The following NOL4L variants were observed in gnomAD, a reference collection of about 807,000 sequenced individuals.
The protein encoded by NOL4L is nucleolar protein 4-like.
A neutral mutation model predicts 64.5 loss-of-function variants in NOL4L; 7 were observed. The observed-to-expected ratio is 0.11, with a 90% CI of 0.06 to 0.20. The LOEUF is 0.20. NOL4L is among the 10% of genes least tolerant of loss of function. The pLI, the probability that NOL4L is intolerant of heterozygous loss-of-function variation, is 1.00. For synonymous variants in NOL4L, 413 were observed against 401.0 expected, an observed-to-expected ratio of 1.03 and a Z score of -0.36; for missense variants, 680 against 967.1, an observed-to-expected ratio of 0.70 and a Z score of 3.94.
At chr20:32,497,986 G>A (rs1011244723) in intron 4 of NOL4L, among the ~76,000 whole-genome samples, 2 of 152,216 alleles carry the variant, frequency 1.3e-5, no homozygotes, top group Non-Finnish European at 1.5e-5. Flanking sequence ...AGTAAATTAC[G>A]AGTGCTTCCT....
chr20:32,516,509 G>A (rs997755491), intron 3 of NOL4L, among the ~76,000 whole-genome samples: 1 of 152,174 alleles, frequency 6.6e-6, no homozygotes, highest in East Asian at 1.9e-4. Flanking sequence ...GCTCAAGGAA[G>A]CTTCGTAGAG....
At chr20:32,470,304 C>A (rs1400197877) in intron 5 of NOL4L, among the ~76,000 whole-genome samples, 5 of 152,252 alleles carry the variant, frequency 3.3e-5, no homozygotes, top group African/African-American at 1.2e-4. Flanking sequence ...CCCCGCCTGC[C>A]GGGTCAGGAA....
In NOL4L at chr20:32,456,120, CG is replaced by C; in HGVS notation, c.1116del (p.Glu373SerfsTer24). ...ACTCAGCCCCCAGCCCCACACACCT[CG>C]GGGGTGGTCTTCACCCCGTATTTGA... The part of the protein sequence containing the change: ...SRVKYGVKTT[P>X]ESPPYSSGSY... On this transcript the variant is annotated frameshift_variant, in exon 6 of 11. Transcript: ENST00000621426. LOFTEE classifies it high-confidence loss of function. 1 of 1,526,510 alleles carries C rather than the reference CG, an allele frequency of 6.6e-7. No homozygotes were observed. Among genetic ancestry groups the C allele is most frequent in the Non-Finnish European group, 8.8e-7 (1 of 1,134,104 alleles). The allele number at this position is 1,526,510 out of a possible 1,614,324, so 94.6% of individuals were successfully genotyped here.
At chr20:32,519,319 G>A (rs1283739303) in intron 3 of NOL4L, 1 of 152,232 alleles carries the variant, frequency 6.6e-6, no homozygotes, top group East Asian at 1.9e-4. Context: ...ATGAACACAA[G>A]CAGAAAGCCC....
rs1980789574 is a variant in NOL4L, at chr20:32,584,900, G to GC, written c.-11dup. Reference sequence around the variant, plus strand: ...GCGTCGGCTTCGGCATCCTCCCGCCGCGCCCGGCGCCCTCGGGGGCGGGCC... The same window carrying GC: ...GCGTCGGCTTCGGCATCCTCCCGCCGCCGCCCGGCGCCCTCGGGGGCGGGCC... On this transcript the variant is annotated 5_prime_UTR_variant, in exon 1 of 11. Transcript: ENST00000621426. The GC allele has an allele frequency of 2.5e-6, 3 of 1,223,148 alleles. No homozygotes were observed. The highest frequency in any genetic ancestry group is 7.6e-5 in the South Asian group (2 of 26,290). The allele number at this position is 1,223,148 out of a possible 1,614,324, so 75.8% of individuals were successfully genotyped here. A position where few individuals can be genotyped will look rare whatever the true frequency, so the allele number is the denominator to read the frequency against.
At chr20:32,496,883 G>T (rs1376775091) in intron 4 of NOL4L, among the ~76,000 whole-genome samples, 1 of 152,090 alleles carries the variant, frequency 6.6e-6, no homozygotes, top group East Asian at 1.9e-4. Context: ...ATAATGCTGT[G>T]TTGCAGGGAG....
At chr20:32,514,051 G>A (rs1289835100) in intron 3 of NOL4L, among the ~76,000 whole-genome samples, 2 of 152,134 alleles carry the variant, frequency 1.3e-5, no homozygotes, top group East Asian at 1.9e-4. Flanking sequence ...TAGAGGATGG[G>A]GGTCCTCTTT....
intron 1 of NOL4L, among the ~76,000 whole-genome samples, chr20:32,572,200 T>G (rs552750434): frequency 2.6e-5 from 4 of 152,226 alleles, no homozygotes; most frequent in Non-Finnish European, 5.9e-5. Flanking sequence ...TTTGTGCTCT[T>G]GGGCATCTTA....
chr20:32,525,946 T>C (rs1232844629), intron 2 of NOL4L, among the ~76,000 whole-genome samples: 1 of 151,874 alleles, frequency 6.6e-6, no homozygotes, highest in East Asian at 1.9e-4. Context: ...TTAATAGAGG[T>C]AGGGTTTTGC....
intron 4 of NOL4L, among the ~76,000 whole-genome samples, chr20:32,475,941 G>T (rs1270965002): frequency 6.6e-6 from 1 of 152,140 alleles, no homozygotes; most frequent in East Asian, 1.9e-4. Context: ...GAGTTTCCTG[G>T]AATTTATAGC....
Position 32,453,114 on chromosome 20 carries a change from G to T in NOL4L, c.1498-108C>A. On this transcript the variant is annotated intron_variant, in intron 8 of 10. Coordinates refer to ENST00000621426, the MANE Select transcript of NOL4L (RefSeq NM_001256798.2). This position sits in a 1 kb window ranked among gnomAD's most constrained non-coding sequence, Gnocchi z 5.6. ...GGCACAGGGTGGGGTTTGGGCTCCAGCGCCTCAGTCTATGGAGCTGTGTGA... is the reference window on the plus strand; with the variant it reads ...GGCACAGGGTGGGGTTTGGGCTCCATCGCCTCAGTCTATGGAGCTGTGTGA... 6.6e-7 allele frequency: 1 copy of T among 1,506,490 alleles called. No individual in the cohort carries two copies. Among genetic ancestry groups the T allele is most frequent in the Non-Finnish European group, 9.0e-7 (1 of 1,108,098 alleles). The allele number at this position is 1,506,490 out of a possible 1,614,324, so 93.3% of individuals were successfully genotyped here.
intron 5 of NOL4L, among the ~76,000 whole-genome samples, chr20:32,466,760 T>G (rs555151887): frequency 6.6e-6 from 1 of 152,122 alleles, no homozygotes; most frequent in African/African-American, 2.4e-5. Context: ...TGAGCAGGTG[T>G]TGGGGAGAAG....
At chr20:32,552,760 TGGGAGGCCAAGAC>T (rs1300466494) in intron 1 of NOL4L, among the ~76,000 whole-genome samples, 10 of 152,314 alleles carry the variant, frequency 6.6e-5, no homozygotes, top group African/African-American at 1.7e-4. Flanking sequence ...CCCAGCACTT[TGGGAGGCCAAGAC>T]GGGCAGATTG....
chr20:32,552,994 G>A (rs1006238355), intron 1 of NOL4L, among the ~76,000 whole-genome samples: 1 of 152,130 alleles, frequency 6.6e-6, no homozygotes, highest in African/African-American at 2.4e-5. Flanking sequence ...AGCTTGGTTG[G>A]TGGCTCTGAG....
rs935200089 is a variant in NOL4L, at chr20:32,444,242, AAAAC to A, written c.*3350_*3353del. The A allele has an allele frequency of 5.9e-5, 9 of 152,346 alleles. No homozygotes were observed. The highest frequency in any genetic ancestry group is 2.1e-4 in the South Asian group (1 of 4,818). 9.4% of individuals were successfully genotyped at this position (152,346 alleles called of 1,614,324 possible). A position where few individuals can be genotyped will look rare whatever the true frequency, so the allele number is the denominator to read the frequency against. On this transcript the variant is annotated 3_prime_UTR_variant, in exon 11 of 11. Transcript: ENST00000621426. The stretch of plus-strand genomic sequence containing the variant: ...TGAGCTGTTTAGCTCAGAAACAACA[AAAAC>A]AAAGTTTCTAAAGCACCACTAAATT...
intron 1 of NOL4L, among the ~76,000 whole-genome samples, chr20:32,573,126 C>T (rs1174273387): frequency 1.3e-5 from 2 of 151,798 alleles, no homozygotes; most frequent in African/African-American, 4.8e-5. Context: ...GCAGCCTTAA[C>T]CTCCCAGGCT....
chr20:32,506,196 C>T (rs1012879682), intron 4 of NOL4L, among the ~76,000 whole-genome samples: 8 of 152,064 alleles, frequency 5.3e-5, no homozygotes, highest in African/African-American at 1.7e-4. Context: ...ACTGAGGAAG[C>T]GCTCTCTCCT....
At chr20:32,566,426 A>C (rs201568451) in intron 1 of NOL4L, among the ~76,000 whole-genome samples, 1 of 85,244 alleles carries the variant, frequency 1.2e-5, no homozygotes, top group Non-Finnish European at 2.6e-5. Context: ...GGTTGGCATC[A>C]CTGACTCCCG....
rs2145412617 is a variant in NOL4L at position 32,444,848 on chromosome 20, G to A, written c.*2748C>T. 1 of 152,358 alleles carries A rather than the reference G, an allele frequency of 6.6e-6. No homozygotes were observed. The highest frequency in any genetic ancestry group is 1.5e-5 in the Non-Finnish European group (1 of 68,044). The allele number at this position is 152,358 out of a possible 1,614,324, so 9.4% of individuals were successfully genotyped here. A position where few individuals can be genotyped will look rare whatever the true frequency, so the allele number is the denominator to read the frequency against. On this transcript the variant is annotated 3_prime_UTR_variant, in exon 11 of 11. Coordinates refer to ENST00000621426, the MANE Select transcript of NOL4L (RefSeq NM_001256798.2). ...CTTTTGGGAGAAGGCAGTCCCTCTG[G>A]TGAGGGTGAGACAGCAGTGAGCTTA...
Sources: allele counts gnomAD v4.1 joint callset (sites outside exome capture counted in the v4.1 genomes callset), GRCh38; gene constraint gnomAD v4.1.1; non-coding constraint Gnocchi (gnomAD v3.1); transcripts MANE v1.5; gene names NCBI Gene and HGNC (gene_info 2026-07-23, HGNC 2026-07-21).